Variants in A2M observed in about 807,000 individuals in gnomAD.
A2M encodes the protein alpha-2-macroglobulin, also known as C3 and PZP-like alpha-2-macroglobulin domain-containing protein 5.
A2M carries 128 observed loss-of-function variants against 183.9 expected under a neutral mutation model. The observed-to-expected ratio is 0.70, with a 90% CI of 0.60 to 0.81. A2M has a LOEUF of 0.81. A2M is among the 30% of genes least tolerant of loss of function. The pLI is 0.00. For missense variants in A2M, 1,495 were observed against 1,787.6 expected (o/e 0.84, Z 2.95); for synonymous variants, 592 against 670.8 (o/e 0.88, Z 1.81).
chr12:9,104,204 A>G, intron 11 of A2M, 35 bp downstream of exon 11: 1 of 1,594,614 alleles, frequency 6.3e-7, no homozygotes, highest in Non-Finnish European at 8.5e-7. Flanking sequence ...TTCCAAGGCT[A>G]CTTCATGTCA....
In A2M at chr12:9,094,990, A is replaced by G; in HGVS notation, c.2108T>C (p.Leu703Pro). Residue 703 changes from leucine (L) to proline (P), a missense_variant, in exon 17 of 36, where the codon CTA becomes CCA. Coordinates refer to ENST00000318602, the MANE Select transcript of A2M (RefSeq NM_000014.6). ...TTGTTTACCATAAAAACCTACACGTAGACCTTCAGGTCCATGCATTTCATA... is the reference window on the plus strand; with the variant it reads ...TTGTTTACCATAAAAACCTACACGTGGACCTTCAGGTCCATGCATTTCATA... ...QQYEMHGPEG[L>P]RVGFYESDVM... The G allele has an allele frequency of 6.4e-7, 1 of 1,568,400 alleles. No homozygotes were observed. Among genetic ancestry groups the G allele is most frequent in the South Asian group, 1.3e-5 (1 of 79,966 alleles).
At chr12:9,109,487 C>T (rs1938562670) in intron 6 of A2M, 82 bp from the exon 7 acceptor site, 2 of 1,036,116 alleles carry the variant, frequency 1.9e-6, no homozygotes, top group Non-Finnish European at 3.0e-6. Context: ...TGTAACAGTT[C>T]CCTAATAATA....
rs1456421442 is a variant in A2M, at chr12:9,080,196, C to T, written c.2771-19G>A. On this transcript the variant is annotated intron_variant, in intron 22 of 35. Coordinates refer to ENST00000318602, the MANE Select transcript of A2M (RefSeq NM_000014.6). ...TCACCACCTAGAGAAATAAGCAAAT[C>T]AGACATATGAAAATTATTTCTGCAT... is the stretch of plus-strand genomic sequence containing the variant. 2.7e-6 allele frequency: 4 copies of T among 1,498,742 alleles called. No individual in the cohort carries two copies. The highest frequency in any genetic ancestry group is 3.7e-6 in the Non-Finnish European group (4 of 1,093,270). 92.8% of individuals were successfully genotyped at this position (1,498,742 alleles called of 1,614,324 possible).
chr12:9,074,117 G>A (rs986581310), intron 29 of A2M, among the ~76,000 whole-genome samples: 22 of 150,872 alleles, frequency 1.5e-4, no homozygotes, highest in African/African-American at 5.4e-4. Context: ...AGGTGAATAG[G>A]GGAAGCACAA....
At chr12:9,072,272 T>C (rs2137644503) in intron 31 of A2M, 87 bp downstream of exon 31, 1 of 1,448,440 alleles carries the variant, frequency 6.9e-7, no homozygotes, top group Non-Finnish European at 9.5e-7. Flanking sequence ...AAATATCTAC[T>C]GTTGCACTGC....
intron 22 of A2M, among the ~76,000 whole-genome samples, chr12:9,086,209 T>C (rs941768587): frequency 3.3e-5 from 5 of 152,130 alleles, no homozygotes; most frequent in African/African-American, 9.7e-5. Context: ...TACAGACCAA[T>C]ATTCTTGATG....
chr12:9,078,730 GC>G (rs1160817013), intron 25 of A2M, among the ~76,000 whole-genome samples: 3 of 152,146 alleles, frequency 2.0e-5, no homozygotes, highest in African/African-American at 7.2e-5. Context: ...ATTTCCTTCT[GC>G]AGATGACAGA....
chr12:9,083,097 G>A (rs1249956401), intron 22 of A2M, among the ~76,000 whole-genome samples: 1 of 152,128 alleles, frequency 6.6e-6, no homozygotes, highest in Non-Finnish European at 1.5e-5. Flanking sequence ...CCTGGGACAT[G>A]GATGAAGCTG....
chr12:9,068,303 G>T, intron 34 of A2M, 79 bp from the exon 35 acceptor site: 1 of 1,440,140 alleles, frequency 6.9e-7, no homozygotes, highest in African/African-American at 1.4e-5. Flanking sequence ...TGGGATACAG[G>T]CCAAGGAAGG....
chr12:9,068,995 G>A (rs1433687181), intron 33 of A2M, 153 bp from the exon 34 acceptor site: 17 of 528,306 alleles, frequency 3.2e-5, no homozygotes, highest in Non-Finnish European at 5.3e-5. Flanking sequence ...ATCTCTCAGA[G>A]GGGATGATAA....
In A2M at chr12:9,109,324, C is replaced by T. The variant is rs1447403634; in HGVS notation, c.755G>A (p.Gly252Asp). ...LEEEMNVSVC[G>D]LYTYGKPVPG... ...GATTTTTAAAAAATGAACTCACAGG[C>T]CACACACTGATACATTCATCTCTTC... The change falls in exon 7 of 36, where the codon GGC becomes GAC. Residue 252 changes from glycine (G) to aspartate (D), a missense_variant. By Grantham distance (94) the Gly-to-Asp change is moderately conservative. Coordinates refer to ENST00000318602, the MANE Select transcript of A2M (RefSeq NM_000014.6). The T allele has an allele frequency of 6.2e-7, 1 of 1,610,214 alleles. No individual in the cohort carries two copies. The highest frequency in any genetic ancestry group is 8.5e-7 in the Non-Finnish European group (1 of 1,176,916).
intron 22 of A2M, among the ~76,000 whole-genome samples, chr12:9,086,184 AT>A (rs1309519671): frequency 6.6e-6 from 1 of 151,922 alleles, no homozygotes; most frequent in Non-Finnish European, 1.5e-5. Context: ...ATAAAAAGAC[AT>A]TACAAAAAAG....
At chr12:9,071,486 A>G (rs778264741) in intron 31 of A2M, among the ~76,000 whole-genome samples, 1 of 152,278 alleles carries the variant, frequency 6.6e-6, no homozygotes, top group South Asian at 2.1e-4. Flanking sequence ...CAGGTTTGTT[A>G]TATAGGTAAA....
intron 32 of A2M, 22 bp from the exon 33 acceptor site, chr12:9,069,835 C>T: frequency 6.2e-6 from 10 of 1,610,464 alleles, no homozygotes; most frequent in Non-Finnish European, 8.5e-6. Context: ...TGAAATACCA[C>T]AAATGTTAAT....
chr12:9,079,761 T>C lies in A2M; in HGVS notation c.2909A>G (p.Tyr970Cys), dbSNP rs1217435581. Residue 970 changes from tyrosine (Y) to cysteine (C), a missense_variant, in exon 24 of 36, where the codon TAT becomes TGT. By Grantham distance (194) the Tyr-to-Cys change is radical. Coordinates refer to ENST00000318602, the MANE Select transcript of A2M (RefSeq NM_000014.6). ...QNTQNLLQMP[Y>C]GCGEQNMVLF... ...GACCATATTCTGCTCTCCACAGCCA[T>C]AGGGCATCTGGAGAAGATTTTGTGT... 6.2e-7 allele frequency: 1 copy of C among 1,613,278 alleles called. No homozygotes were observed. Among genetic ancestry groups the C allele is most frequent in the East Asian group, 2.2e-5 (1 of 44,858 alleles).
intron 22 of A2M, among the ~76,000 whole-genome samples, chr12:9,087,613 A>G (rs1429891441): frequency 3.3e-5 from 5 of 152,082 alleles, no homozygotes. Flanking sequence ...ATAGTTAATA[A>G]TAGTGTATTT....
At chr12:9,114,157 C>G (rs745322013) in intron 1 of A2M, among the ~76,000 whole-genome samples, 1 of 152,126 alleles carries the variant, frequency 6.6e-6, no homozygotes, top group Non-Finnish European at 1.5e-5. Context: ...TAAATATTTG[C>G]CTTTCAGCTC....
In A2M at chr12:9,079,294, G is replaced by A. The variant is rs1223574512; in HGVS notation, c.3069C>T (p.Gly1023=). Residue 1023 remains glycine, a synonymous_variant, in exon 25 of 36, where the codon GGC becomes GGT. Transcript: ENST00000318602. ...QRQLNYKHYD[G]SYSTFGERYG... is the part of the protein sequence containing the mutation. ...ATCGCTCCCCAAAGGTGCTGTAGGA[G>A]CCATCATAGTGTTTGTAGTTCAACT... 2.5e-6 allele frequency: 4 copies of A among 1,613,780 alleles called. No homozygotes were observed. Among genetic ancestry groups the A allele is most frequent in the Admixed American group, 3.3e-5 (2 of 60,000 alleles).
At chr12:9,110,368 A>G in intron 4 of A2M, 34 bp from the exon 5 acceptor site, 1 of 1,284,874 alleles carries the variant, frequency 7.8e-7, no homozygotes, top group Non-Finnish European at 1.1e-6. Context: ...GTTTATAATT[A>G]TTTTCAAATA....
Sources: gnomAD v4.1 joint callset for allele counts (sites outside exome capture counted in the v4.1 genomes callset) on GRCh38, gnomAD v4.1.1 for gene constraint, MANE v1.5 for transcripts, NCBI Gene and HGNC (gene_info 2026-07-23, HGNC 2026-07-21) for gene names.